The following PARVA variants were observed in gnomAD, a reference collection of about 807,000 sequenced individuals.
The protein encoded by PARVA is alpha-parvin.
A neutral mutation model predicts 52.6 loss-of-function variants in PARVA; 25 were observed. The ratio of observed to expected loss-of-function variants is 0.48; its 90% CI spans 0.35 to 0.66. The LOEUF (loss-of-function observed/expected upper bound fraction) is 0.66, where lower values mean the gene tolerates loss of function less well. Among genes scored for constraint, PARVA ranks in the 30% least tolerant of loss-of-function variants. The pLI, the probability that PARVA is intolerant of heterozygous loss-of-function variation, is 0.01. For synonymous variants in PARVA, 185 were observed against 179.1 expected, an observed-to-expected ratio of 1.03 and a Z score of -0.26; for missense variants, 373 against 450.9, an observed-to-expected ratio of 0.83 and a Z score of 1.56.
At chr11:12,523,299 G>A (rs1398541972) in intron 12 of PARVA, among the ~76,000 whole-genome samples, 1 of 152,108 alleles carries the variant, frequency 6.6e-6, no homozygotes, top group Non-Finnish European at 1.5e-5. Flanking sequence ...GGGGGCTAGA[G>A]CATAAGTAAC....
chr11:12,513,218 C>T (rs548227139), intron 8 of PARVA, 81 bp from the exon 9 acceptor site: 24 of 1,132,964 alleles, frequency 2.1e-5, no homozygotes, highest in Middle Eastern at 1.9e-4. Flanking sequence ...CCTTGAGAGG[C>T]GCGTGGCTCT....
chr11:12,459,764 T>C (rs185844587), intron 1 of PARVA, among the ~76,000 whole-genome samples: 223 of 152,308 alleles, frequency 1.5e-3, no homozygotes, highest in Non-Finnish European at 2.9e-3. Context: ...ATATAAAACA[T>C]AGACACACTT....
chr11:12,438,259 CAAA>C (rs1222652970), intron 1 of PARVA, among the ~76,000 whole-genome samples: 13 of 100,460 alleles, frequency 1.3e-4, no homozygotes, highest in Admixed American at 3.1e-4. Flanking sequence ...GACTGCATCT[CAAA>C]AAAAAAAAAA....
chr11:12,377,388 G>A (rs796517640), upstream of PARVA: 6 of 1,357,238 alleles, frequency 4.4e-6, no homozygotes, highest in African/African-American at 9.3e-5. Context: ...GCAGTTTTGG[G>A]GCATCCTCCC....
At chr11:12,430,552 C>T (rs1940302187) in intron 1 of PARVA, among the ~76,000 whole-genome samples, 1 of 152,154 alleles carries the variant, frequency 6.6e-6, no homozygotes. Context: ...ACAGAGGCTC[C>T]TTTCTTTCCT....
intron 4 of PARVA, among the ~76,000 whole-genome samples, chr11:12,491,849 G>C (rs1012358707): frequency 6.6e-6 from 1 of 152,056 alleles, no homozygotes; most frequent in African/African-American, 2.4e-5. Flanking sequence ...TAACTAATCT[G>C]TATATAGCAT....
chr11:12,431,970 G>A (rs1940322036), intron 1 of PARVA, among the ~76,000 whole-genome samples: 1 of 152,184 alleles, frequency 6.6e-6, no homozygotes, highest in Non-Finnish European at 1.5e-5. Context: ...GTTTACACTG[G>A]GGTTGCTTGT....
intron 1 of PARVA, among the ~76,000 whole-genome samples, chr11:12,390,536 G>C (rs1465320597): frequency 6.6e-6 from 1 of 152,184 alleles, no homozygotes. Context: ...GAATGTAGCA[G>C]GCAGGTTACG....
chr11:12,465,822 T>C (rs1035209665), intron 1 of PARVA, among the ~76,000 whole-genome samples: 1 of 152,270 alleles, frequency 6.6e-6, no homozygotes, highest in African/African-American at 2.4e-5. Flanking sequence ...CTATAAATAT[T>C]CACATTCAGG....
chr11:12,486,938 C>A (rs1589976788), intron 4 of PARVA, among the ~76,000 whole-genome samples: 1 of 152,174 alleles, frequency 6.6e-6, no homozygotes, highest in South Asian at 2.1e-4. Context: ...GTAGCGGCAA[C>A]TAGTGGTGCC....
chr11:12,438,015 C>T (rs1020889015), intron 1 of PARVA, among the ~76,000 whole-genome samples: 1 of 152,134 alleles, frequency 6.6e-6, no homozygotes, highest in Admixed American at 6.5e-5. Context: ...AATCCCAGCA[C>T]TTTGGGAGGC....
intron 1 of PARVA, among the ~76,000 whole-genome samples, chr11:12,451,447 C>CTT (rs111287854): frequency 1.5e-4 from 22 of 144,192 alleles, no homozygotes; most frequent in African/African-American, 5.3e-4. Context: ...GGTAGAGATG[C>CTT]TTTTTTTTTT....
intron 8 of PARVA, among the ~76,000 whole-genome samples, chr11:12,512,726 C>T (rs1379492170): frequency 1.2e-4 from 19 of 152,146 alleles, no homozygotes; most frequent in Admixed American, 1.2e-3. Context: ...TCATGACAAA[C>T]CTGAGGGAGG....
intron 1 of PARVA, among the ~76,000 whole-genome samples, chr11:12,391,545 G>C (rs1030923709): frequency 2.6e-5 from 4 of 152,206 alleles, no homozygotes; most frequent in Admixed American, 6.5e-5. Context: ...GGAAGGTTGT[G>C]TTTGTGCAGG....
At chr11:12,471,180 G>A (rs928457372) in intron 1 of PARVA, among the ~76,000 whole-genome samples, 5 of 152,128 alleles carry the variant, frequency 3.3e-5, no homozygotes, top group Admixed American at 2.0e-4. Context: ...TGGTATGGTG[G>A]GTATGAGGGT....
intron 1 of PARVA, among the ~76,000 whole-genome samples, chr11:12,405,973 A>G (rs1939900416): frequency 6.6e-6 from 1 of 152,180 alleles, no homozygotes; most frequent in Non-Finnish European, 1.5e-5. Context: ...AAGAATTGGA[A>G]TCATACTATA....
intron 1 of PARVA, among the ~76,000 whole-genome samples, chr11:12,403,326 TG>T (rs1371627625): frequency 1.3e-5 from 2 of 152,216 alleles, no homozygotes; most frequent in African/African-American, 4.8e-5. Context: ...GTCACTAGGG[TG>T]GGGAGCAACA....
intron 1 of PARVA, among the ~76,000 whole-genome samples, chr11:12,398,666 T>C (rs2134962556): frequency 6.6e-6 from 1 of 151,912 alleles, no homozygotes; most frequent in Middle Eastern, 3.4e-3. Flanking sequence ...AATCTTGGTT[T>C]TTCCTTCTAC....
Position 12,532,471 on chromosome 11 carries a change from C to G in PARVA, c.*4546C>G, listed in dbSNP as rs550759180. Among the ~76,000 whole-genome samples, 1 of 152,118 alleles carries G rather than the reference C, an allele frequency of 6.6e-6. No homozygotes were observed. The highest frequency in any genetic ancestry group is 1.5e-5 in the Non-Finnish European group (1 of 68,022). On this transcript the variant is annotated 3_prime_UTR_variant, in exon 13 of 13. Coordinates refer to ENST00000334956, the MANE Select transcript of PARVA (RefSeq NM_018222.5). ...CTGAGAAATTTCTAGGATGAGTACTCTGAACTCAGGACTTCATTTAGTCAT... is the reference window on the plus strand; with the variant it reads ...CTGAGAAATTTCTAGGATGAGTACTGTGAACTCAGGACTTCATTTAGTCAT...
Sources: allele counts gnomAD v4.1 joint callset (sites outside exome capture counted in the v4.1 genomes callset), GRCh38; gene constraint gnomAD v4.1.1; transcripts MANE v1.5; gene names NCBI Gene and HGNC (gene_info 2026-07-23, HGNC 2026-07-21).